The following MAPK6 variants were observed in gnomAD, a reference collection of about 807,000 sequenced individuals.
The protein encoded by MAPK6 is ERK-3.
Under a neutral mutation model 59.3 loss-of-function variants are expected in MAPK6, and 19 were observed. The ratio of observed to expected loss-of-function variants is 0.32; its 90% CI spans 0.22 to 0.47. The LOEUF (loss-of-function observed/expected upper bound fraction) is 0.47. MAPK6 is among the 20% of genes least tolerant of loss of function. The pLI is 1.00. For synonymous variants in MAPK6, 316 were observed against 290.3 expected (o/e 1.09, Z -0.90); for missense variants, 724 against 847.9 (o/e 0.85, Z 1.81).
At chr15:52,022,976 A>G (rs1051374174) in intron 1 of MAPK6, among the ~76,000 whole-genome samples, 5 of 151,948 alleles carry the variant, frequency 3.3e-5, no homozygotes, top group Admixed American at 6.6e-5. Context: ...GTGTGGTGGC[A>G]CGTGCCTGTA....
chr15:51,979,855 T>C (rs751719142), intron 1 of MAPK6, among the ~76,000 whole-genome samples: 3 of 151,738 alleles, frequency 2.0e-5, no homozygotes, highest in Non-Finnish European at 4.4e-5. Context: ...ACAGAGAGAC[T>C]GTTGCTGGAA....
chr15:52,047,366 G>A (rs570196331), intron 2 of MAPK6, among the ~76,000 whole-genome samples: 76 of 152,200 alleles, frequency 5.0e-4, no homozygotes, highest in Non-Finnish European at 9.1e-4. Context: ...TTGTTTTTGA[G>A]ACAGAGTCTC....
chr15:52,016,275 G>C (rs184861416), upstream of MAPK6, among the ~76,000 whole-genome samples: 14 of 150,632 alleles, frequency 9.3e-5, 1 homozygote, highest in African/African-American at 3.4e-4. Flanking sequence ...TGTAATCCCA[G>C]CTACTCAGGA....
chr15:52,028,139 A>C (rs938504139), intron 1 of MAPK6, among the ~76,000 whole-genome samples: 1 of 151,698 alleles, frequency 6.6e-6, no homozygotes, highest in Non-Finnish European at 1.5e-5. Context: ...TTTTTAGTAG[A>C]GACAGGGTTT....
chr15:51,975,936 G>C (rs187093084), intron 1 of MAPK6, among the ~76,000 whole-genome samples: 1 of 151,806 alleles, frequency 6.6e-6, no homozygotes, highest in Non-Finnish European at 1.5e-5. Context: ...GTGCTATAGG[G>C]ATATAAAAAT....
chr15:52,032,749 A>G (rs928084821), intron 1 of MAPK6, among the ~76,000 whole-genome samples: 3 of 151,982 alleles, frequency 2.0e-5, no homozygotes, highest in African/African-American at 4.8e-5. Context: ...CAGTGGCACA[A>G]TCTCGGCTCA....
At position 52,046,181 on chromosome 15, in the gene MAPK6, T is replaced by C. The variant is rs1274279506; in HGVS notation, c.-280T>C. 3.4e-6 allele frequency: 1 copy of C among 295,340 alleles called. No individual in the cohort carries two copies. The highest frequency in any genetic ancestry group is 7.0e-5 in the East Asian group (1 of 14,366). The allele number at this position is 295,340 out of a possible 1,614,324, so 18.3% of individuals were successfully genotyped here. On this transcript the variant is annotated 5_prime_UTR_variant, in exon 2 of 6. Coordinates refer to ENST00000261845, the MANE Select transcript of MAPK6 (RefSeq NM_002748.4). ...CATTTCATTCCGTTTGAGTTTCTTGTTTTCGTTAAATGTCTGCAGAGTTGC... is the reference window on the plus strand; with the variant it reads ...CATTTCATTCCGTTTGAGTTTCTTGCTTTCGTTAAATGTCTGCAGAGTTGC...
At chr15:51,978,137 A>ATT (rs35197355) in intron 1 of MAPK6, among the ~76,000 whole-genome samples, 102 of 147,408 alleles carry the variant, frequency 6.9e-4, no homozygotes, top group Admixed American at 1.8e-3. Context: ...TGACAGTTTA[A>ATT]TTTTTTTTTT....
rs1193003371 is a variant in MAPK6 at position 52,058,704 on chromosome 15, G to C, written c.772G>C (p.Glu258Gln). 1 of 1,613,468 alleles carries C rather than the reference G, an allele frequency of 6.2e-7. No individual in the cohort carries two copies. The highest frequency in any genetic ancestry group is 8.5e-7 in the Non-Finnish European group (1 of 1,179,654). ...TGTTGTACATGAGGAAGATCGTCAG[G>C]AGCTTCTCAGCGTAATTCCAGTTTA... ...IPVVHEEDRQ[E>Q]LLSVIPVYIR... is the part of the protein sequence containing the mutation. Residue 258 changes from glutamate (E) to glutamine (Q), a missense_variant, in exon 4 of 6, where the codon GAG (glutamate) becomes CAG (glutamine). This residue lies in a region of MAPK6 where 105 missense variants were observed against 191.9 expected (regional missense o/e 0.55). Transcript: ENST00000261845.
intron 3 of MAPK6, among the ~76,000 whole-genome samples, chr15:52,057,925 T>G (rs1400158135): frequency 1.3e-5 from 2 of 152,260 alleles, no homozygotes; most frequent in Non-Finnish European, 2.9e-5. Flanking sequence ...AGGCAGGCAC[T>G]TGGTCTGTTT....
intron 1 of MAPK6, among the ~76,000 whole-genome samples, chr15:52,023,121 A>AC (rs1334332028): frequency 6.6e-6 from 1 of 151,272 alleles, no homozygotes; most frequent in East Asian, 1.9e-4. Context: ...AAAAAAAAAA[A>AC]AAAAAAACCG....
chr15:52,022,832 C>T lies in MAPK6; in HGVS notation c.-632+3456C>T, dbSNP rs886392687. The stretch of plus-strand genomic sequence containing the variant: ...TCAGAGTTTAAAAACAAACTGAGGC[C>T]GGGGGCAGTGGCTAACGCTTGTAAT... On this transcript the variant is annotated intron_variant, in intron 1 of 5. Coordinates refer to ENST00000261845, the MANE Select transcript of MAPK6 (RefSeq NM_002748.4). Among the ~76,000 whole-genome samples the T allele has an allele frequency of 7.2e-5, 11 of 151,912 alleles. No individual in the cohort carries two copies. In the South Asian group the frequency reaches 2.1e-3, roughly 29 times the overall value.
intron 1 of MAPK6, among the ~76,000 whole-genome samples, chr15:51,982,473 A>T (rs1163299201): frequency 3.3e-5 from 5 of 152,328 alleles, no homozygotes; most frequent in African/African-American, 1.2e-4. Context: ...AGAGATCTCA[A>T]TCATATGTAA....
chr15:52,028,143 A>G (rs1057054156), intron 1 of MAPK6, among the ~76,000 whole-genome samples: 1 of 151,564 alleles, frequency 6.6e-6, no homozygotes, highest in Non-Finnish European at 1.5e-5. Flanking sequence ...TAGTAGAGAC[A>G]GGGTTTCACC....
rs577056827 is a variant in MAPK6 at position 52,045,825 on chromosome 15, C to A, written c.-631-5C>A. ...GTGACTCTCTTCTTTTTCTCATCCC[C>A]CCAGGTTGTATCAGAGTAAGATGGA... On this transcript the variant is annotated splice_polypyrimidine_tract_variant and splice_region_variant and intron_variant, in intron 1 of 5. Coordinates refer to ENST00000261845, the MANE Select transcript of MAPK6 (RefSeq NM_002748.4). The A allele has an allele frequency of 4.6e-5, 7 of 152,674 alleles. No individual in the cohort carries two copies. The South Asian group carries it at 1.5e-3, about 32-fold the overall frequency. The allele number at this position is 152,674 out of a possible 1,614,324, so 9.5% of individuals were successfully genotyped here. A position where few individuals can be genotyped will look rare whatever the true frequency, so the allele number is the denominator to read the frequency against.
chr15:52,014,485 G>A (rs1039334355), upstream of MAPK6, among the ~76,000 whole-genome samples: 28 of 152,126 alleles, frequency 1.8e-4, no homozygotes, highest in African/African-American at 6.8e-4. Flanking sequence ...CCTGAGGCAG[G>A]AGGATCACTT....
chr15:52,024,902 T>TA (rs34421666), intron 1 of MAPK6, among the ~76,000 whole-genome samples: 2 of 138,896 alleles, frequency 1.4e-5, no homozygotes, highest in East Asian at 2.1e-4. Flanking sequence ...TTTTTTTTTT[T>TA]AAGAATTGGA....
intron 4 of MAPK6, among the ~76,000 whole-genome samples, chr15:52,060,548 A>G (rs2032160075): frequency 6.6e-6 from 1 of 152,144 alleles, no homozygotes; most frequent in Admixed American, 6.6e-5. Flanking sequence ...GGGAGCAGAG[A>G]GAGTAGATGG....
In MAPK6 at chr15:52,041,181, CTTTG is replaced by C. The variant is rs767413372; in HGVS notation, c.-631-4645_-631-4642del. ...TTTTTTCCTGGGTCTAAGCTTTAAA[CTTTG>C]TTTTTTTGTTTTTTTGTTTTTTTGT... On this transcript the variant is annotated intron_variant, in intron 1 of 5. Transcript: ENST00000261845. Among the ~76,000 whole-genome samples, 77 of 151,996 alleles carry C rather than the reference CTTTG, an allele frequency of 5.1e-4. 1 individual carries two copies. Among genetic ancestry groups the C allele is most frequent in the Middle Eastern group, 3.4e-3 (1 of 294 alleles).
Sources: allele counts gnomAD v4.1 joint callset (sites outside exome capture counted in the v4.1 genomes callset), GRCh38; gene constraint gnomAD v4.1.1; regional missense constraint gnomAD v4.1.1; transcripts MANE v1.5; gene names NCBI Gene and HGNC (gene_info 2026-07-23, HGNC 2026-07-21).